Variants in APOB observed in about 807,000 individuals in gnomAD.
APOB encodes the protein apolipoprotein B, also known as apolipoprotein B-100.
APOB carries 153 observed loss-of-function variants against 314.1 expected under a neutral mutation model. The ratio of observed to expected loss-of-function variants is 0.49; its 90% CI spans 0.43 to 0.56. The LOEUF (loss-of-function observed/expected upper bound fraction) is 0.56, where lower values mean the gene tolerates loss of function less well. Ranked by LOEUF, APOB falls within the 20% of genes least tolerant of loss-of-function variation. The probability of loss-of-function intolerance (pLI) is 0.00; values close to 1 mark genes in which losing one functional copy is unlikely to be tolerated. For synonymous variants in APOB, 2,087 were observed against 2,036.4 expected (o/e 1.02, Z -0.67); for missense variants, 5,430 against 5,350.7 (o/e 1.01, Z -0.46).
intron 3 of APOB, among the ~76,000 whole-genome samples, chr2:21,042,158 G>T (rs1664146535): frequency 6.6e-6 from 1 of 152,170 alleles, no homozygotes. Flanking sequence ...GAAATTTGGT[G>T]GGGGCAGACC....
chr2:21,015,453 G>C lies in APOB; in HGVS notation c.3425C>G (p.Ser1142Trp). 6.2e-7 allele frequency: 1 copy of C among 1,614,062 alleles called. No homozygotes were observed. The highest frequency in any genetic ancestry group is 8.5e-7 in the Non-Finnish European group (1 of 1,180,018). ...CATTTGGAGAAGCAGTTTGGCAGGC[G>C]ACCAGTGGGCGAGGATCTCACTTCT... The part of the protein sequence containing the change: ...EARSEILAHW[S>W]PAKLLLQMDS... The change falls in exon 22 of 29, where the codon TCG becomes TGG. Residue 1142 changes from serine (S) to tryptophan (W), a missense_variant. Physicochemically the swap from Ser to Trp is radical, Grantham distance 177 (BLOSUM62 -3). Transcript: ENST00000233242.
intron 3 of APOB, among the ~76,000 whole-genome samples, chr2:21,041,898 A>C (rs1664141554): frequency 1.3e-5 from 2 of 152,226 alleles, no homozygotes; most frequent in Non-Finnish European, 2.9e-5. Context: ...AATAATAAGC[A>C]AAGTTTTATT....
In APOB at chr2:21,006,363, C is replaced by A; in HGVS notation, c.10505G>T (p.Gly3502Val). 3 of 1,613,988 alleles carry A rather than the reference C, an allele frequency of 1.9e-6. No individual in the cohort carries two copies. The highest frequency in any genetic ancestry group is 2.5e-6 in the Non-Finnish European group (3 of 1,179,942). ...TGAATATTCCCGAGAAAGAACCGAA[C>A]CCTTGACATCTCCTTTGGTAGATGA... The part of the protein sequence containing the change: ...IESSTKGDVK[G>V]SVLSREYSGT... Residue 3502 changes from glycine (G) to valine (V), a missense_variant, in exon 26 of 29, where the codon GGT becomes GTT. Gly to Val is a moderately radical substitution (Grantham distance 109). Transcript: ENST00000233242.
At chr2:21,024,055 A>G (rs1663677326) in intron 16 of APOB, 1 of 165,116 alleles carries the variant, frequency 6.1e-6, no homozygotes, top group Admixed American at 6.0e-5. Flanking sequence ...GAAATGTATT[A>G]TATTATGATA....
At position 21,010,384 on chromosome 2, in the gene APOB, C is replaced by A. The variant is rs771904479; in HGVS notation, c.6484G>T (p.Asp2162Tyr). The change falls in exon 26 of 29, where the codon GAT becomes TAT. Residue 2162 changes from aspartate to tyrosine, a missense_variant. This residue lies in a region of APOB where 3,281 missense variants were observed against 3,171.0 expected (regional missense o/e 1.03). Transcript: ENST00000233242. ...TTTTCATTAAAGTTGATTTTGGCATCATCTAATGCAATTTGTATATCATTT... is the reference window on the plus strand; with the variant it reads ...TTTTCATTAAAGTTGATTTTGGCATAATCTAATGCAATTTGTATATCATTT... ...TENDIQIALD[D>Y]AKINFNEKLS... 6.3e-7 allele frequency: 1 copy of A among 1,586,596 alleles called. No individual in the cohort carries two copies. The highest frequency in any genetic ancestry group is 2.3e-5 in the East Asian group (1 of 44,364).
Position 21,005,960 on chromosome 2 carries a change from T to G in APOB, c.10908A>C (p.Glu3636Asp). 3 of 1,613,940 alleles carry G rather than the reference T, an allele frequency of 1.9e-6. No homozygotes were observed. The highest frequency in any genetic ancestry group is 2.5e-6 in the Non-Finnish European group (3 of 1,179,954). The change falls in exon 26 of 29, where the codon GAA becomes GAC. Residue 3636 changes from glutamate (E) to aspartate (D), a missense_variant. By Grantham distance (45) the Glu-to-Asp change is conservative (BLOSUM62 2). Transcript: ENST00000233242. Reference sequence around the variant, plus strand: ...GGAAAGACCCAGAATGAATCCGGACTTCATTTTTCCATCTGATCTTCTGGT... The same window carrying G: ...GGAAAGACCCAGAATGAATCCGGACGTCATTTTTCCATCTGATCTTCTGGT... The part of the protein sequence containing the change: ...TKNQKIRWKN[E>D]VRIHSGSFQS...
chr2:21,019,980 A>C, intron 18 of APOB, 75 bp from the exon 19 acceptor site: 1 of 1,382,948 alleles, frequency 7.2e-7, no homozygotes, highest in Non-Finnish European at 1.0e-6. Context: ...CTCAGGGTGC[A>C]AATACCCCCT....
chr2:21,029,765 T>G lies in APOB; in HGVS notation c.1491A>C (p.Gln497His), dbSNP rs2103376849. ...GTTCTGGAGTTAACTGCTCCATGGT[T>G]TGGCCCATATTTCCAATGACCTGCA... Reference protein sequence around the residue: ...LILRVIGNMGQTMEQLTPELK... With the variant: ...LILRVIGNMGHTMEQLTPELK... The change falls in exon 12 of 29, where the codon CAA (glutamine) becomes CAC (histidine). Residue 497 changes from glutamine (Q) to histidine (H), a missense_variant. Physicochemically the swap from Gln to His is conservative, Grantham distance 24. Coordinates refer to ENST00000233242, the MANE Select transcript of APOB (RefSeq NM_000384.3). 6.2e-7 allele frequency: 1 copy of G among 1,614,178 alleles called. No homozygotes were observed. The highest frequency in any genetic ancestry group is 2.2e-5 in the East Asian group (1 of 44,888).
chr2:21,002,684 G>A lies in APOB; in HGVS notation c.12738C>T (p.Phe4246=). 1 of 1,613,722 alleles carries A rather than the reference G, an allele frequency of 6.2e-7. No homozygotes were observed. The highest frequency in any genetic ancestry group is 1.1e-5 in the South Asian group (1 of 91,034). ...AAGGAAGTGTAATCACTAGGTCTTG[G>A]AAATAGGAAAACAGTATTTCTGAAC... The part of the protein sequence containing the change: ...HNGSEILFSY[F]QDLVITLPFE... The change falls in exon 29 of 29, where the codon TTC becomes TTT. Residue 4246 remains phenylalanine, a synonymous_variant. Coordinates refer to ENST00000233242, the MANE Select transcript of APOB (RefSeq NM_000384.3).
rs556369378 is a variant in APOB at position 21,002,576 on chromosome 2, C to T, written c.12846G>A (p.Glu4282=). ...TGAGAGACTGAATGGCTTTAAATAC[C>T]TCTTGGGCTTCTTTTGATAAATCTT... ...LLKDLSKEAQ[E]VFKAIQSLKT... Residue 4282 remains glutamate (E), a synonymous_variant, in exon 29 of 29, where the codon GAG becomes GAA. Coordinates refer to ENST00000233242, the MANE Select transcript of APOB (RefSeq NM_000384.3). 4 of 1,614,020 alleles carry T rather than the reference C, an allele frequency of 2.5e-6. No individual in the cohort carries two copies. The South Asian group carries it at 4.4e-5, about 18-fold the overall frequency.
intron 25 of APOB, 76 bp from the exon 26 acceptor site, chr2:21,012,727 C>A: frequency 6.6e-7 from 1 of 1,518,486 alleles, no homozygotes; most frequent in South Asian, 1.2e-5. Flanking sequence ...GAAAGTCTTT[C>A]AATAATAAAG....
chr2:21,043,927 C>A lies in APOB; in HGVS notation c.19G>T (p.Ala7Ser). The A allele has an allele frequency of 8.0e-7, 1 of 1,252,532 alleles. No homozygotes were observed. The highest frequency in any genetic ancestry group is 3.4e-5 in the Admixed American group (1 of 29,508). The allele number at this position is 1,252,532 out of a possible 1,614,324, so 77.6% of individuals were successfully genotyped here. The change falls in exon 1 of 29, where the codon GCG (alanine) becomes TCG (serine). Residue 7 changes from alanine to serine, a missense_variant. Transcript: ENST00000233242. ...GGCAGCGCCAGCAGCGCCAGCAGCGCGGGCCTCGGCGGGTCCATCGCCAGC... is the reference window on the plus strand; with the variant it reads ...GGCAGCGCCAGCAGCGCCAGCAGCGAGGGCCTCGGCGGGTCCATCGCCAGC... Reference protein sequence around the residue: MDPPRPALLALLALPAL... With the variant: MDPPRPSLLALLALPAL...
At position 21,002,780 on chromosome 2, in the gene APOB, C is replaced by T. The variant is rs1157875216; in HGVS notation, c.12642G>A (p.Glu4214=). ...CCCTTATGAACATAGTGCAAAGTTC[C>T]TCCCTAGTGTATATCCCAGGTTTCC... is the stretch of plus-strand genomic sequence containing the variant. The part of the protein sequence containing the change: ...FPGKPGIYTR[E]ELCTMFIREV... Residue 4214 remains glutamate (E), a synonymous_variant, in exon 29 of 29, where the codon GAG becomes GAA. Transcript: ENST00000233242. The T allele has an allele frequency of 6.8e-6, 11 of 1,607,848 alleles. No homozygotes were observed. The highest frequency in any genetic ancestry group is 9.4e-6 in the Non-Finnish European group (11 of 1,176,184).
rs1482229946 is a variant in APOB, at chr2:21,028,341, T to C, written c.1815A>G (p.Glu605=). Residue 605 remains glutamate (E), a synonymous_variant, in exon 13 of 29, where the codon GAA becomes GAG. Coordinates refer to ENST00000233242, the MANE Select transcript of APOB (RefSeq NM_000384.3). ...CTCTTACTTACTCTTGGATATCCAATTCTTCTGAGTTCAAGATATTGGCAA... is the reference window on the plus strand; with the variant it reads ...CTCTTACTTACTCTTGGATATCCAACTCTTCTGAGTTCAAGATATTGGCAA... ...SHIANILNSE[E]LDIQDLKKLV... is the part of the protein sequence containing the mutation. 6.2e-7 allele frequency: 1 copy of C among 1,613,636 alleles called. No homozygotes were observed.
At position 21,030,020 on chromosome 2, in the gene APOB, A is replaced by G; in HGVS notation, c.1353-5T>C. The G allele has an allele frequency of 6.4e-7, 1 of 1,572,890 alleles. No homozygotes were observed. Among genetic ancestry groups the G allele is most frequent in the Non-Finnish European group, 8.8e-7 (1 of 1,142,376 alleles). The stretch of plus-strand genomic sequence containing the variant: ...GTAGGGTTTGTCTTATGATAGCTAC[A>G]GAATAAGAGAAGAGAGTCAGGACTT... On this transcript the variant is annotated splice_polypyrimidine_tract_variant and splice_region_variant and intron_variant, in intron 10 of 28. Coordinates refer to ENST00000233242, the MANE Select transcript of APOB (RefSeq NM_000384.3).
Position 21,032,443 on chromosome 2 carries a change from G to A in APOB, c.1263C>T (p.Pro421=). The A allele has an allele frequency of 6.2e-7, 1 of 1,614,160 alleles. No homozygotes were observed. The highest frequency in any genetic ancestry group is 1.3e-5 in the African/African-American group (1 of 75,050). The change falls in exon 10 of 29, where the codon CCC becomes CCT. Residue 421 remains proline (P), a synonymous_variant. Transcript: ENST00000233242. ...AGATCTCTCGCAGCTGCTGTGCTGA[G>A]GGCTCGGGGATCAGGGCCACCAGGT... ...VTYLVALIPE[P]SAQQLREIFN... is the part of the protein sequence containing the mutation.
In APOB at chr2:21,038,104, G is replaced by C. The variant is rs766149422; in HGVS notation, c.391C>G (p.Leu131Val). 1.1e-5 allele frequency: 17 copies of C among 1,613,910 alleles called. No individual in the cohort carries two copies. The highest frequency in any genetic ancestry group is 8.5e-6 in the Non-Finnish European group (10 of 1,180,044). ...EFAAAMSRYELKLAIPEGKQV... is the reference protein window; with the variant it reads ...EFAAAMSRYEVKLAIPEGKQV... ...TTCCCTTCTGGAATGGCCAGCTTGA[G>C]CTCATACCTGTCCCAGAGAGAGGAT... The change falls in exon 5 of 29, where the codon CTC becomes GTC. Residue 131 changes from leucine (L) to valine (V), a missense_variant. Physicochemically the swap from Leu to Val is conservative, Grantham distance 32. Transcript: ENST00000233242.
Position 21,024,804 on chromosome 2 carries a change from C to A in APOB, c.2436+129G>T, listed in dbSNP as rs1303606958. Reference sequence around the variant, plus strand: ...CATCTTCAGTGAAATTCAAGGCAAACCTCCATCTCTGAAGAAAGTACAAGC... The same window carrying A: ...CATCTTCAGTGAAATTCAAGGCAAAACTCCATCTCTGAAGAAAGTACAAGC... On this transcript the variant is annotated intron_variant, in intron 16 of 28. Coordinates refer to ENST00000233242, the MANE Select transcript of APOB (RefSeq NM_000384.3). 4.2e-6 allele frequency: 4 copies of A among 961,584 alleles called. No homozygotes were observed. The Admixed American group carries it at 7.0e-5, about 17-fold the overall frequency. The allele number at this position is 961,584 out of a possible 1,614,324, so 59.6% of individuals were successfully genotyped here. A position where few individuals can be genotyped will look rare whatever the true frequency, so the allele number is the denominator to read the frequency against.
intron 6 of APOB, among the ~76,000 whole-genome samples, chr2:21,036,139 C>T (rs1047317876): frequency 6.6e-6 from 1 of 152,152 alleles, no homozygotes; most frequent in Non-Finnish European, 1.5e-5. Flanking sequence ...TGGTCAGGCC[C>T]AGGACTTCTT....
Sources: allele counts gnomAD v4.1 joint callset (sites outside exome capture counted in the v4.1 genomes callset), GRCh38; gene constraint gnomAD v4.1.1; regional missense constraint gnomAD v4.1.1; transcripts MANE v1.5; gene names NCBI Gene and HGNC (gene_info 2026-07-23, HGNC 2026-07-21).